GRIK4: variants seen among roughly 807,000 people sequenced by gnomAD.
The protein encoded by GRIK4 is glutamate ionotropic receptor kainate type subunit 4, also known as glutamate receptor ionotropic, kainate 4.
A neutral mutation model predicts 104.9 loss-of-function variants in GRIK4; 40 were observed. The ratio of observed to expected loss-of-function variants is 0.38; its 90% CI spans 0.30 to 0.50. GRIK4 has a LOEUF of 0.50. Among genes scored for constraint, GRIK4 ranks in the 20% least tolerant of loss-of-function variants. The probability of loss-of-function intolerance (pLI) is 0.93; values close to 1 mark genes in which losing one functional copy is unlikely to be tolerated. For synonymous variants in GRIK4, 485 were observed against 524.9 expected, an observed-to-expected ratio of 0.92 and a Z score of 1.04; for missense variants, 1,047 against 1,308.1, an observed-to-expected ratio of 0.80 and a Z score of 3.08.
chr11:120,737,725 C>T (rs1280025577), intron 3 of GRIK4, among the ~76,000 whole-genome samples: 2 of 152,044 alleles, frequency 1.3e-5, no homozygotes, highest in African/African-American at 4.8e-5. Context: ...GAAGTGATTA[C>T]TCTAAAAGTC....
intron 19 of GRIK4, among the ~76,000 whole-genome samples, chr11:120,976,741 C>T (rs1944567241): frequency 6.6e-6 from 1 of 152,252 alleles, no homozygotes; most frequent in Non-Finnish European, 1.5e-5. Flanking sequence ...TCTCGTGGCA[C>T]TAGTCAGTCC....
chr11:120,802,812 A>T lies in GRIK4; in HGVS notation c.202A>T (p.Ile68Phe). The change falls in exon 4 of 21, where the codon ATC becomes TTC. Residue 68 changes from isoleucine (I) to phenylalanine (F), a missense_variant. By Grantham distance (21) the Ile-to-Phe change is conservative. This residue lies in a region of GRIK4 where 447 missense variants were observed against 514.9 expected (regional missense o/e 0.87). Coordinates refer to ENST00000527524, the MANE Select transcript of GRIK4 (RefSeq NM_014619.5). The stretch of plus-strand genomic sequence containing the variant: ...GGGCAAGGCCAAGGTCGAAGTGGAC[A>T]TCTTTGAGCTTCTCAGAGACAGCGA... ...RLGKAKVEVD[I>F]FELLRDSEYE... The T allele has an allele frequency of 6.2e-7, 1 of 1,614,178 alleles. No individual in the cohort carries two copies. The highest frequency in any genetic ancestry group is 8.5e-7 in the Non-Finnish European group (1 of 1,180,012).
chr11:120,885,313 G>C (rs146478963), intron 11 of GRIK4, among the ~76,000 whole-genome samples: 170 of 152,318 alleles, frequency 1.1e-3, no homozygotes, highest in African/African-American at 3.8e-3. Flanking sequence ...AAAATGTTTA[G>C]AAGTGAGTCT....
intron 3 of GRIK4, among the ~76,000 whole-genome samples, chr11:120,775,591 G>T (rs1213478998): frequency 6.6e-6 from 1 of 152,228 alleles, no homozygotes; most frequent in African/African-American, 2.4e-5. Flanking sequence ...AAGAAAAAGA[G>T]AATTTACAGT....
chr11:120,683,724 C>A (rs1950233042), intron 3 of GRIK4, among the ~76,000 whole-genome samples: 1 of 152,086 alleles, frequency 6.6e-6, no homozygotes, highest in African/African-American at 2.4e-5. Flanking sequence ...AAGTATAGAC[C>A]AGACTTAACC....
Position 120,815,431 on chromosome 11 carries a change from C to T in GRIK4, c.301C>T (p.Pro101Ser), listed in dbSNP as rs376176772. 6.4e-7 allele frequency: 1 copy of T among 1,552,440 alleles called. No individual in the cohort carries two copies. Among genetic ancestry groups the T allele is most frequent in the African/African-American group, 1.4e-5 (1 of 73,226 alleles). The change falls in exon 5 of 21, where the codon CCA becomes TCA. Residue 101 changes from proline (P) to serine (S), a missense_variant. Physicochemically the swap from Pro to Ser is moderately conservative, Grantham distance 74. Around this residue, in one of 3 missense-constraint regions of GRIK4, gnomAD observed 447 missense variants for 514.9 expected, o/e 0.87. Transcript: ENST00000527524. ...VVAVLGPSSSPASSSIISNIC... is the reference protein window; with the variant it reads ...VVAVLGPSSSSASSSIISNIC... ...CGCTGTCCTCGGACCATCGTCCAGCCCAGCCTCCAGCTCCATCATCAGCAA... is the reference window on the plus strand; with the variant it reads ...CGCTGTCCTCGGACCATCGTCCAGCTCAGCCTCCAGCTCCATCATCAGCAA...
intron 8 of GRIK4, chr11:120,858,614 A>G (rs1954179192): frequency 6.6e-6 from 1 of 152,218 alleles, no homozygotes; most frequent in Non-Finnish European, 1.5e-5. Flanking sequence ...CAGATATAAT[A>G]TGCATTGTTT....
intron 4 of GRIK4, among the ~76,000 whole-genome samples, chr11:120,807,943 CAG>C (rs1357178857): frequency 1.3e-5 from 2 of 152,132 alleles, no homozygotes; most frequent in Non-Finnish European, 2.9e-5. Context: ...GTGGCACAGA[CAG>C]GGGAGCAGGA....
chr11:120,929,839 C>G (rs1183514880), intron 13 of GRIK4, among the ~76,000 whole-genome samples: 2 of 57,442 alleles, frequency 3.5e-5, no homozygotes, highest in Non-Finnish European at 9.6e-5. Context: ...CCTACGGCTT[C>G]AAGTCCTTAG....
chr11:120,786,667 A>G (rs1378215348), intron 3 of GRIK4, among the ~76,000 whole-genome samples: 2 of 152,180 alleles, frequency 1.3e-5, no homozygotes, highest in Non-Finnish European at 2.9e-5. Context: ...ATGCATGTAC[A>G]TATCAGAGCA....
At chr11:120,896,520 C>T (rs1245594586) in intron 11 of GRIK4, among the ~76,000 whole-genome samples, 4 of 152,236 alleles carry the variant, frequency 2.6e-5, no homozygotes, top group African/African-American at 9.6e-5. Flanking sequence ...CCCTTTTCCA[C>T]AGGAAAGGCC....
intron 14 of GRIK4, among the ~76,000 whole-genome samples, chr11:120,941,536 G>T (rs990262949): frequency 1.3e-5 from 2 of 152,160 alleles, no homozygotes; most frequent in African/African-American, 4.8e-5. Flanking sequence ...TCTAGGACCT[G>T]TGAATGTGAC....
intron 4 of GRIK4, among the ~76,000 whole-genome samples, chr11:120,803,778 T>A (rs1373448127): frequency 6.6e-6 from 1 of 152,240 alleles, no homozygotes; most frequent in East Asian, 1.9e-4. Context: ...GGAAAATCTG[T>A]GAATTGCAGT....
intron 3 of GRIK4, among the ~76,000 whole-genome samples, chr11:120,787,826 A>ATTT (rs1348396480): frequency 9.3e-6 from 1 of 107,640 alleles, no homozygotes; most frequent in Non-Finnish European, 1.9e-5. Flanking sequence ...CTTGCATTAT[A>ATTT]TTTCTTCTCT....
chr11:120,684,933 G>A (rs191358454), intron 3 of GRIK4, among the ~76,000 whole-genome samples: 8 of 152,258 alleles, frequency 5.3e-5, no homozygotes, highest in African/African-American at 1.4e-4. Flanking sequence ...TCCTGACCTC[G>A]TGATCCGCCT....
intron 3 of GRIK4, among the ~76,000 whole-genome samples, chr11:120,792,352 G>A (rs151067802): frequency 1.6e-4 from 25 of 151,848 alleles, no homozygotes; most frequent in African/African-American, 5.3e-4. Context: ...ACAGAGTCAA[G>A]TCAGATCTTG....
chr11:120,638,127 G>T (rs1052013766), intron 1 of GRIK4, among the ~76,000 whole-genome samples: 1 of 152,116 alleles, frequency 6.6e-6, no homozygotes, highest in East Asian at 1.9e-4. Flanking sequence ...TGTTCAGCCT[G>T]TGTTGGCCTC....
rs899763091 is a variant in GRIK4, at chr11:120,845,559, T to C, written c.744+8715T>C. On this transcript the variant is annotated intron_variant, in intron 8 of 20. Coordinates refer to ENST00000527524, the MANE Select transcript of GRIK4 (RefSeq NM_014619.5). ...GTTGGCCTCTCACCTAGTTGAACTG[T>C]AATTCCCAGGATGCTTGAGCCTTTC... Among the ~76,000 whole-genome samples the C allele has an allele frequency of 3.3e-5, 5 of 152,064 alleles. No individual in the cohort carries two copies. The South Asian group carries it at 1.0e-3, about 32-fold the overall frequency.
chr11:120,850,399 T>C (rs901207949), intron 8 of GRIK4, among the ~76,000 whole-genome samples: 2 of 152,188 alleles, frequency 1.3e-5, no homozygotes, highest in Non-Finnish European at 1.5e-5. Context: ...TTTATTTTCT[T>C]TTCCTTTCTC....
Sources: allele counts gnomAD v4.1 joint callset (sites outside exome capture counted in the v4.1 genomes callset), GRCh38; gene constraint gnomAD v4.1.1; regional missense constraint gnomAD v4.1.1; transcripts MANE v1.5; gene names NCBI Gene and HGNC (gene_info 2026-07-23, HGNC 2026-07-21).